GABRB2: variants seen among roughly 807,000 people sequenced by gnomAD.
The protein encoded by GABRB2 is gamma-aminobutyric acid type A receptor subunit beta2, also known as gamma-aminobutyric acid receptor subunit beta-2.
In GABRB2, 16 loss-of-function variants were observed where a neutral mutation model predicts 54.7. That is an observed-to-expected ratio of 0.29 (90% CI 0.20 to 0.44). GABRB2 has a LOEUF of 0.44. Ranked by LOEUF, GABRB2 falls within the 20% of genes least tolerant of loss-of-function variation. The pLI is 1.00. For synonymous variants in GABRB2, 244 were observed against 233.8 expected (o/e 1.04, Z -0.40); for missense variants, 355 against 644.0 (o/e 0.55, Z 4.86).
At chr5:161,417,680 T>G (rs1756719418) in intron 4 of GABRB2, among the ~76,000 whole-genome samples, 1 of 152,210 alleles carries the variant, frequency 6.6e-6, no homozygotes, top group Admixed American at 6.5e-5. Flanking sequence ...ATTTCACAGC[T>G]GTTCATTCTG....
At chr5:161,442,235 C>A (rs990898119) in intron 4 of GABRB2, among the ~76,000 whole-genome samples, 6 of 151,892 alleles carry the variant, frequency 4.0e-5, no homozygotes, top group Admixed American at 3.9e-4. Flanking sequence ...CTACTATGTA[C>A]CCCTACAAAT....
At chr5:161,317,875 T>C (rs1001197384) in intron 9 of GABRB2, among the ~76,000 whole-genome samples, 1 of 152,062 alleles carries the variant, frequency 6.6e-6, no homozygotes, top group Non-Finnish European at 1.5e-5. Flanking sequence ...AAATGCTTAA[T>C]ATTTTAAGAA....
At chr5:161,389,088 A>G (rs909466403) in intron 5 of GABRB2, among the ~76,000 whole-genome samples, 1 of 152,052 alleles carries the variant, frequency 6.6e-6, no homozygotes, top group African/African-American at 2.4e-5. Context: ...CCTTGAAAAT[A>G]TTGATTACTT....
In GABRB2 at chr5:161,292,268, G is replaced by T. The variant is rs1757259897; in HGVS notation, c.*1813C>A. Reference sequence around the variant, plus strand: ...AGAAAACATACATTATTCACAGGTGGATACTGGCTGCTATGCACAATTAGG... The same window carrying T: ...AGAAAACATACATTATTCACAGGTGTATACTGGCTGCTATGCACAATTAGG... On this transcript the variant is annotated 3_prime_UTR_variant, in exon 10 of 10. Transcript: ENST00000393959. 1 of 152,176 alleles carries T rather than the reference G, an allele frequency of 6.6e-6. No homozygotes were observed. The highest frequency in any genetic ancestry group is 2.1e-4 in the South Asian group (1 of 4,822). The allele number at this position is 152,176 out of a possible 1,614,324, so 9.4% of individuals were successfully genotyped here. A position where few individuals can be genotyped will look rare whatever the true frequency, so the allele number is the denominator to read the frequency against.
At chr5:161,355,828 A>G (rs533350162) in intron 5 of GABRB2, among the ~76,000 whole-genome samples, 2 of 151,996 alleles carry the variant, frequency 1.3e-5, no homozygotes, top group East Asian at 3.9e-4. Flanking sequence ...GGAGTGTTTG[A>G]AGGTTTATTT....
chr5:161,299,330 T>C (rs528224154), intron 9 of GABRB2, among the ~76,000 whole-genome samples: 1 of 152,296 alleles, frequency 6.6e-6, no homozygotes, highest in East Asian at 1.9e-4. Context: ...TGACTCAGCG[T>C]TGGGCTCATG....
At chr5:161,468,536 C>T (rs993873205) in intron 3 of GABRB2, among the ~76,000 whole-genome samples, 5 of 152,046 alleles carry the variant, frequency 3.3e-5, no homozygotes, top group Non-Finnish European at 4.4e-5. Context: ...CCTCTCAGTC[C>T]TAACAATCTC....
intron 9 of GABRB2, among the ~76,000 whole-genome samples, chr5:161,321,177 T>A (rs1468404214): frequency 1.3e-5 from 2 of 152,016 alleles, no homozygotes; most frequent in African/African-American, 4.8e-5. Flanking sequence ...GTGATCTATG[T>A]TATCTATGCT....
At chr5:161,508,869 A>T (rs1286895160) in intron 3 of GABRB2, among the ~76,000 whole-genome samples, 1 of 152,040 alleles carries the variant, frequency 6.6e-6, no homozygotes, top group Non-Finnish European at 1.5e-5. Flanking sequence ...GGAATCATAA[A>T]GTGTTCTGCT....
chr5:161,425,977 T>C lies in GABRB2; in HGVS notation c.459-14920A>G, dbSNP rs568653619. Among the ~76,000 whole-genome samples, 27 of 152,272 alleles carry C rather than the reference T, an allele frequency of 1.8e-4. No individual in the cohort carries two copies. In the South Asian group the frequency reaches 5.4e-3, roughly 30 times the overall value. ...AAGGATCTCTCACATGTTGACCCAG[T>C]AGTATTACTTACAGTATTTCATCCA... On this transcript the variant is annotated intron_variant, in intron 4 of 9. Transcript: ENST00000393959.
intron 9 of GABRB2, among the ~76,000 whole-genome samples, chr5:161,320,788 T>G (rs765387642): frequency 3.3e-5 from 5 of 152,022 alleles, no homozygotes; most frequent in African/African-American, 9.6e-5. Flanking sequence ...AGTTGATATA[T>G]GCTCTACACA....
intron 5 of GABRB2, among the ~76,000 whole-genome samples, chr5:161,347,485 G>A (rs781361169): frequency 7.2e-5 from 11 of 152,154 alleles, no homozygotes; most frequent in African/African-American, 2.4e-4. Flanking sequence ...ATTTCCCCAC[G>A]CCTTGAATGT....
intron 5 of GABRB2, among the ~76,000 whole-genome samples, chr5:161,395,497 A>G (rs1755967052): frequency 1.3e-5 from 2 of 152,116 alleles, no homozygotes; most frequent in Non-Finnish European, 2.9e-5. Context: ...CATCGTACTC[A>G]CCTAATGGAG....
At position 161,430,832 on chromosome 5, in the gene GABRB2, A is replaced by C. The variant is rs80264356; in HGVS notation, c.459-19775T>G. On this transcript the variant is annotated intron_variant, in intron 4 of 9. Coordinates refer to ENST00000393959, the MANE Select transcript of GABRB2 (RefSeq NM_001371727.1). ...AACTACTCTCCCATTCACCTAATGT[A>C]AGTAGGTGAAAATTTCATACTATGG... 2.5e-3 allele frequency among the ~76,000 whole-genome samples: 377 copies of C among 152,260 alleles called. 3 individuals carry two copies. Among genetic ancestry groups the C allele is most frequent in the African/African-American group, 7.8e-3 (323 of 41,570 alleles).
chr5:161,479,796 G>A (rs965997389), intron 3 of GABRB2, among the ~76,000 whole-genome samples: 3 of 151,848 alleles, frequency 2.0e-5, no homozygotes, highest in Non-Finnish European at 2.9e-5. Flanking sequence ...CACCATGTTG[G>A]TCAGGCTGGT....
Position 161,323,293 on chromosome 5 carries a change from G to A in GABRB2, c.1191+3075C>T, listed in dbSNP as rs536682604. On this transcript the variant is annotated intron_variant, in intron 9 of 9. Coordinates refer to ENST00000393959, the MANE Select transcript of GABRB2 (RefSeq NM_001371727.1). ...CCATCTCAGCCTCCCAAAGTGCTGG[G>A]ATTACAGGCGTGAGCCACCCGCCCA... Among the ~76,000 whole-genome samples, 4 of 152,270 alleles carry A rather than the reference G, an allele frequency of 2.6e-5. No individual in the cohort carries two copies. In the South Asian group the frequency reaches 6.2e-4, roughly 24 times the overall value.
At chr5:161,484,400 A>T (rs1053501226) in intron 3 of GABRB2, among the ~76,000 whole-genome samples, 2 of 151,850 alleles carry the variant, frequency 1.3e-5, no homozygotes, top group Non-Finnish European at 2.9e-5. Context: ...CCATATGGTT[A>T]AGTGTAACTG....
At chr5:161,523,289 G>A (rs1269760779) in intron 3 of GABRB2, among the ~76,000 whole-genome samples, 1 of 151,398 alleles carries the variant, frequency 6.6e-6, no homozygotes, top group Non-Finnish European at 1.5e-5. Context: ...ACCTTTATTA[G>A]TTTTAAGAAA....
intron 3 of GABRB2, among the ~76,000 whole-genome samples, chr5:161,535,055 G>C (rs1053388844): frequency 4.6e-5 from 7 of 152,076 alleles, no homozygotes; most frequent in African/African-American, 1.7e-4. Context: ...ATAAATTTTT[G>C]ACATTAATGG....
Sources: gnomAD v4.1 joint callset for allele counts (sites outside exome capture counted in the v4.1 genomes callset) on GRCh38, gnomAD v4.1.1 for gene constraint, MANE v1.5 for transcripts, NCBI Gene and HGNC (gene_info 2026-07-23, HGNC 2026-07-21) for gene names.